MYRIP: variants seen among roughly 807,000 people sequenced by gnomAD.
MYRIP encodes myosin VIIA and Rab interacting protein.
MYRIP carries 49 observed loss-of-function variants against 98.0 expected under a neutral mutation model. That is an observed-to-expected ratio of 0.50 (90% CI 0.40 to 0.63). The LOEUF is 0.63. Ranked by LOEUF, MYRIP falls within the 30% of genes least tolerant of loss-of-function variation. MYRIP has a pLI of 0.00. For missense variants in MYRIP, 1,004 were observed against 1,058.2 expected (o/e 0.95, Z 0.71); for synonymous variants, 404 against 409.5 (o/e 0.99, Z 0.16).
chr3:40,235,225 C>T lies in MYRIP; in HGVS notation c.2100+1172C>T, dbSNP rs141652959. ...TGCCATGGTTCCCGCTCCCCAATTC[C>T]TATGCTCCCCAATAAGGATGCTAAC... On this transcript the variant is annotated intron_variant, in intron 12 of 16. Coordinates refer to ENST00000302541, the MANE Select transcript of MYRIP (RefSeq NM_015460.4). Among the ~76,000 whole-genome samples, 1,430 of 152,230 alleles carry T rather than the reference C, an allele frequency of 9.4e-3. 27 individuals are homozygous for T. Among genetic ancestry groups the T allele is most frequent in the African/African-American group, 0.031 (1,307 of 41,540 alleles).
intron 3 of MYRIP, among the ~76,000 whole-genome samples, chr3:40,072,250 C>T (rs1290684998): frequency 2.6e-5 from 4 of 151,902 alleles, no homozygotes; most frequent in Admixed American, 2.6e-4. Context: ...GCTCTCTCAC[C>T]CAGGCTGGAG....
intron 2 of MYRIP, among the ~76,000 whole-genome samples, chr3:39,972,359 C>A (rs1945608313): frequency 6.6e-6 from 1 of 151,974 alleles, no homozygotes; most frequent in Non-Finnish European, 1.5e-5. Flanking sequence ...CAATTATTTG[C>A]ATATTAATTT....
intron 3 of MYRIP, among the ~76,000 whole-genome samples, chr3:40,062,490 A>T (rs1163587910): frequency 6.6e-6 from 1 of 152,202 alleles, no homozygotes; most frequent in Admixed American, 6.5e-5. Flanking sequence ...ATTAGTATAA[A>T]TATTGTATCA....
intron 2 of MYRIP, among the ~76,000 whole-genome samples, chr3:39,970,501 GC>G (rs1230494680): frequency 2.0e-5 from 3 of 151,952 alleles, no homozygotes; most frequent in Admixed American, 6.6e-5. Context: ...ATAAGACAAA[GC>G]CCCCCATCTC....
At chr3:40,181,173 G>A (rs547824309) in intron 8 of MYRIP, among the ~76,000 whole-genome samples, 13 of 150,034 alleles carry the variant, frequency 8.7e-5, no homozygotes, top group African/African-American at 1.8e-4. Context: ...AAGTTTCCAC[G>A]ACTCTCAAGG....
At chr3:39,988,213 T>A (rs1453855171) in intron 2 of MYRIP, among the ~76,000 whole-genome samples, 1 of 151,938 alleles carries the variant, frequency 6.6e-6, no homozygotes, top group Non-Finnish European at 1.5e-5. Flanking sequence ...TAATGCTAAA[T>A]GACGAGTTAA....
At chr3:39,904,649 T>G (rs557348871) in intron 2 of MYRIP, among the ~76,000 whole-genome samples, 1 of 152,040 alleles carries the variant, frequency 6.6e-6, no homozygotes, top group Non-Finnish European at 1.5e-5. Flanking sequence ...AGAAGGACAC[T>G]GGGGAAAGCT....
At chr3:39,877,755 G>A (rs1247388067) in intron 1 of MYRIP, among the ~76,000 whole-genome samples, 4 of 151,984 alleles carry the variant, frequency 2.6e-5, no homozygotes, top group Non-Finnish European at 5.9e-5. Flanking sequence ...TGCCCCTACT[G>A]GGGGGTACCT....
At chr3:40,146,576 G>A (rs1226486558) in intron 3 of MYRIP, among the ~76,000 whole-genome samples, 2 of 152,188 alleles carry the variant, frequency 1.3e-5, no homozygotes, top group African/African-American at 4.8e-5. Context: ...CTTGTGGGAA[G>A]AGGGAGTTCA....
At chr3:40,006,346 G>A (rs974112186) in intron 2 of MYRIP, among the ~76,000 whole-genome samples, 14 of 152,056 alleles carry the variant, frequency 9.2e-5, no homozygotes, top group African/African-American at 2.9e-4. Flanking sequence ...CCGAGACTGC[G>A]CCACTGTACT....
At chr3:39,979,178 A>T (rs1195897517) in intron 2 of MYRIP, among the ~76,000 whole-genome samples, 1 of 152,028 alleles carries the variant, frequency 6.6e-6, no homozygotes, top group African/African-American at 2.4e-5. Flanking sequence ...TTTGAGATGG[A>T]GTCTTGCTGT....
At chr3:40,120,352 T>G (rs1949375864) in intron 3 of MYRIP, among the ~76,000 whole-genome samples, 2 of 151,966 alleles carry the variant, frequency 1.3e-5, no homozygotes, top group Non-Finnish European at 2.9e-5. Flanking sequence ...AACACCTTAC[T>G]TATTATATAA....
At chr3:39,897,066 A>C (rs1943627694) in intron 1 of MYRIP, among the ~76,000 whole-genome samples, 1 of 152,234 alleles carries the variant, frequency 6.6e-6, no homozygotes, top group Non-Finnish European at 1.5e-5. Context: ...TTTGAAAAAT[A>C]GCTAAATCAA....
At chr3:40,232,850 G>A (rs1453153525) in intron 11 of MYRIP, 1 of 152,216 alleles carries the variant, frequency 6.6e-6, no homozygotes, top group East Asian at 1.9e-4. Context: ...AACACGTTCA[G>A]CCACAGATAA....
At chr3:40,143,275 T>C (rs1949946187) in intron 3 of MYRIP, among the ~76,000 whole-genome samples, 1 of 152,236 alleles carries the variant, frequency 6.6e-6, no homozygotes, top group Non-Finnish European at 1.5e-5. Context: ...CTGTCCTCTA[T>C]TTCAGCAGGA....
At chr3:40,032,286 T>A (rs1185570193) in intron 2 of MYRIP, among the ~76,000 whole-genome samples, 1 of 152,080 alleles carries the variant, frequency 6.6e-6, no homozygotes, top group Non-Finnish European at 1.5e-5. Context: ...AGTTTCCATG[T>A]AGTAGTCATT....
At chr3:40,071,275 T>C (rs980025580) in intron 3 of MYRIP, 21 of 840,826 alleles carry the variant, frequency 2.5e-5, no homozygotes, top group Non-Finnish European at 2.7e-5. Context: ...ATCAGAGAGA[T>C]GGCTGGATCA....
At chr3:40,072,171 A>T (rs1948245244) in intron 3 of MYRIP, among the ~76,000 whole-genome samples, 1 of 152,088 alleles carries the variant, frequency 6.6e-6, no homozygotes, top group Admixed American at 6.5e-5. Flanking sequence ...ACTAAGTTTT[A>T]ACCTTTATTA....
At chr3:39,908,803 T>G (rs1282753184) in intron 2 of MYRIP, among the ~76,000 whole-genome samples, 1 of 152,228 alleles carries the variant, frequency 6.6e-6, no homozygotes, top group Non-Finnish European at 1.5e-5. Context: ...TACTTCTGCT[T>G]ATATCCTTCC....
Sources: allele counts gnomAD v4.1 joint callset (sites outside exome capture counted in the v4.1 genomes callset), GRCh38; gene constraint gnomAD v4.1.1; transcripts MANE v1.5; gene names NCBI Gene and HGNC (gene_info 2026-07-23, HGNC 2026-07-21).